UGT2A1: variants seen among roughly 807,000 people sequenced by gnomAD.
The protein encoded by UGT2A1 is UDP-glucuronosyltransferase 2A1.
Under a neutral mutation model 45.4 loss-of-function variants are expected in UGT2A1, and 61 were observed. The observed-to-expected ratio is 1.34, with a 90% confidence interval of 1.09 to 1.66. The LOEUF is 1.66. Ranked by LOEUF, UGT2A1 falls within the 40% of genes most tolerant of loss-of-function variation. UGT2A1 has a pLI of 0.00. For missense variants in UGT2A1, 649 were observed against 574.3 expected (o/e 1.13, Z -1.33); for synonymous variants, 229 against 196.2 (o/e 1.17, Z -1.40).
intron 4 of UGT2A1, among the ~76,000 whole-genome samples, chr4:69,596,592 T>C (rs770303086): frequency 7.9e-5 from 12 of 152,150 alleles, no homozygotes; most frequent in Non-Finnish European, 1.6e-4. Flanking sequence ...GCATGATCTC[T>C]GCTCACTGCA....
chr4:69,593,830 G>A (rs1376863829), intron 6 of UGT2A1, among the ~76,000 whole-genome samples: 20 of 151,418 alleles, frequency 1.3e-4, no homozygotes, highest in Admixed American at 5.9e-4. Context: ...TTTCAATTTT[G>A]TATTTACTGA....
chr4:69,608,732 G>A (rs1453754273), intron 3 of UGT2A1, among the ~76,000 whole-genome samples: 1 of 152,144 alleles, frequency 6.6e-6, no homozygotes, highest in East Asian at 1.9e-4. Flanking sequence ...CTTCACTCTT[G>A]TTGCCCAGGC....
chr4:69,591,131 T>C (rs1718572233), intron 6 of UGT2A1, among the ~76,000 whole-genome samples: 1 of 152,168 alleles, frequency 6.6e-6, no homozygotes, highest in Admixed American at 6.6e-5. Flanking sequence ...AATAGTTTTG[T>C]CAATGAAATG....
chr4:69,626,232 C>T (rs186980795), intron 3 of UGT2A1, among the ~76,000 whole-genome samples: 3 of 150,588 alleles, frequency 2.0e-5, no homozygotes, highest in South Asian at 2.1e-4. Flanking sequence ...TAGAAGCTTG[C>T]GTTTAAGTTT....
chr4:69,639,606 T>G (rs1721939541), intron 2 of UGT2A1: 3 of 1,601,882 alleles, frequency 1.9e-6, no homozygotes, highest in Non-Finnish European at 8.5e-7. Flanking sequence ...CTGGACAAAC[T>G]TCTTAGGCAT....
chr4:69,596,615 C>G (rs906400759), intron 4 of UGT2A1, among the ~76,000 whole-genome samples: 1 of 152,062 alleles, frequency 6.6e-6, no homozygotes, highest in Non-Finnish European at 1.5e-5. Flanking sequence ...CTCACCTCCC[C>G]GGTTCAAGTG....
intron 3 of UGT2A1, among the ~76,000 whole-genome samples, chr4:69,631,540 A>G (rs1721388637): frequency 6.6e-6 from 1 of 152,186 alleles, no homozygotes; most frequent in Admixed American, 6.5e-5. Context: ...TTTCCAAGGT[A>G]TATAACAGAA....
chr4:69,589,408 T>G lies in UGT2A1; in HGVS notation c.1548A>C (p.Lys516Asn). 6.2e-7 allele frequency: 1 copy of G among 1,613,698 alleles called. No individual in the cohort carries two copies. The highest frequency in any genetic ancestry group is 8.5e-7 in the Non-Finnish European group (1 of 1,179,788). Residue 516 changes from lysine (K) to asparagine (N), a missense_variant, in exon 7 of 7, where the codon AAA becomes AAC. Coordinates refer to ENST00000286604, the MANE Select transcript of UGT2A1 (RefSeq NM_001252275.3). ...VIQCCLFSCQ[K>N]FGKIGKKKKR... ...TTTTCTTCTTTCCTATCTTACCAAA[T>G]TTTTGACAGGAAAACAAACAACATT...
At chr4:69,639,643 T>A in intron 2 of UGT2A1, 1 of 1,555,932 alleles carries the variant, frequency 6.4e-7, no homozygotes. Context: ...GAAACCATCC[T>A]ACTGTAGATC....
intron 2 of UGT2A1, chr4:69,639,284 T>C (rs1721912317): frequency 5.0e-6 from 8 of 1,613,722 alleles, no homozygotes; most frequent in Non-Finnish European, 6.8e-6. Context: ...GTTTTCCTAG[T>C]TCTTTGTAGA....
chr4:69,599,916 C>T (rs1258498725), intron 3 of UGT2A1, among the ~76,000 whole-genome samples: 16 of 152,156 alleles, frequency 1.1e-4, no homozygotes, highest in Admixed American at 1.0e-3. Context: ...CAGTTAAATG[C>T]CAGATAAGTT....
rs1159898478 is a variant in UGT2A1, at chr4:69,653,171, G to A, written c.-55+17C>T. ...TACATTTTATATTGATTATCATGAA[G>A]TTTTCTAGTTTCTTACCTGAAGTTT... On this transcript the variant is annotated intron_variant, in intron 1 of 6. Transcript: ENST00000286604. The A allele has an allele frequency of 1.3e-5, 2 of 152,090 alleles. No homozygotes were observed. Among genetic ancestry groups the A allele is most frequent in the Non-Finnish European group, 2.9e-5 (2 of 68,012 alleles). The allele number at this position is 152,090 out of a possible 1,614,324, so 9.4% of individuals were successfully genotyped here.
At chr4:69,650,541 AAAGT>A (rs1411151851) in intron 1 of UGT2A1, among the ~76,000 whole-genome samples, 30 of 152,198 alleles carry the variant, frequency 2.0e-4, no homozygotes, top group African/African-American at 7.0e-4. Context: ...TTGAGAATAT[AAAGT>A]AATAAAATAA....
At chr4:69,614,727 G>A (rs1470415924) in intron 3 of UGT2A1, among the ~76,000 whole-genome samples, 1 of 151,996 alleles carries the variant, frequency 6.6e-6, no homozygotes, top group Non-Finnish European at 1.5e-5. Context: ...GAAAGGAATG[G>A]ACTCTTAATG....
chr4:69,603,275 T>C (rs894524824), intron 3 of UGT2A1, among the ~76,000 whole-genome samples: 3 of 134,108 alleles, frequency 2.2e-5, no homozygotes, highest in Non-Finnish European at 4.7e-5. Context: ...AGAACTAATA[T>C]AAAGGAAAGC....
chr4:69,644,383 T>C (rs945756898), intron 2 of UGT2A1, among the ~76,000 whole-genome samples: 8 of 151,684 alleles, frequency 5.3e-5, no homozygotes, highest in Admixed American at 5.3e-4. Context: ...AGTGGTAGGA[T>C]TGAAAATGTA....
At chr4:69,649,830 A>AATTTCCAT (rs1722440596) in intron 1 of UGT2A1, among the ~76,000 whole-genome samples, 1 of 152,110 alleles carries the variant, frequency 6.6e-6, no homozygotes, top group Non-Finnish European at 1.5e-5. Flanking sequence ...ACACAGAACC[A>AATTTCCAT]GACATGTCTG....
intron 6 of UGT2A1, among the ~76,000 whole-genome samples, chr4:69,593,585 G>C (rs1718712811): frequency 6.6e-6 from 1 of 151,192 alleles, no homozygotes; most frequent in South Asian, 2.1e-4. Flanking sequence ...ACTAAGCTAT[G>C]TATACATAAC....
chr4:69,621,873 G>A (rs564680659), intron 3 of UGT2A1, among the ~76,000 whole-genome samples: 16 of 151,782 alleles, frequency 1.1e-4, no homozygotes, highest in African/African-American at 3.9e-4. Context: ...GAGCTGGGGG[G>A]AGGGTCATTA....
Sources: gnomAD v4.1 joint callset for allele counts (sites outside exome capture counted in the v4.1 genomes callset) on GRCh38, gnomAD v4.1.1 for gene constraint, MANE v1.5 for transcripts, NCBI Gene and HGNC (gene_info 2026-07-23, HGNC 2026-07-21) for gene names.